LDLRAD4: variants seen among roughly 807,000 people sequenced by gnomAD.
The protein encoded by LDLRAD4 is low-density lipoprotein receptor class A domain-containing protein 4.
LDLRAD4 carries 5 observed loss-of-function variants against 17.0 expected under a neutral mutation model. The ratio of observed to expected loss-of-function variants is 0.29; its 90% CI spans 0.15 to 0.62. The LOEUF (loss-of-function observed/expected upper bound fraction) is 0.62, where lower values mean the gene tolerates loss of function less well. Among genes scored for constraint, LDLRAD4 ranks in the 20% least tolerant of loss-of-function variants. The pLI is 0.84. For missense variants in LDLRAD4, 340 were observed against 424.7 expected (o/e 0.80, Z 1.75); for synonymous variants, 168 against 171.8 (o/e 0.98, Z 0.17).
At chr18:13,474,132 C>T (rs906553336) in intron 3 of LDLRAD4, among the ~76,000 whole-genome samples, 8 of 152,234 alleles carry the variant, frequency 5.3e-5, no homozygotes, top group African/African-American at 1.4e-4. Context: ...TTGCCTTCGC[C>T]ATGATTGGAA....
intron 3 of LDLRAD4, among the ~76,000 whole-genome samples, chr18:13,547,985 G>T (rs2094388687): frequency 6.6e-6 from 1 of 152,202 alleles, no homozygotes; most frequent in Non-Finnish European, 1.5e-5. Flanking sequence ...CCAGACAACT[G>T]GAGGGTGAGC....
rs531270864 is a variant in LDLRAD4 at position 13,318,810 on chromosome 18, G to A, written c.-383+40622G>A. Among the ~76,000 whole-genome samples the A allele has an allele frequency of 2.0e-5, 3 of 152,322 alleles. No individual in the cohort carries two copies. In the South Asian group the frequency reaches 6.2e-4, roughly 32 times the overall value. ...CAGGACCCTGGGTGATGGAGCTCCT[G>A]TCTGGTGGGTGTGTGTGGGCAGTGC... On this transcript the variant is annotated intron_variant, in intron 1 of 5. Transcript: ENST00000359446.
intron 3 of LDLRAD4, chr18:13,461,247 C>A (rs544367882): frequency 3.9e-5 from 6 of 152,508 alleles, no homozygotes; most frequent in Admixed American, 2.0e-4. Context: ...TGGCCAGGGC[C>A]TGAGGAGGAC....
At position 13,385,788 on chromosome 18, in the gene LDLRAD4, A is replaced by T. The variant is rs538650752; in HGVS notation, c.-382-1553A>T. ...TGCATGTTGGCCATTTTTAGATGGA[A>T]TGTTAGAATTCAGAGAAAAAATGTT... On this transcript the variant is annotated intron_variant, in intron 1 of 5. Transcript: ENST00000359446. 2.8e-4 allele frequency among the ~76,000 whole-genome samples: 43 copies of T among 152,322 alleles called. 1 individual carries two copies. Among genetic ancestry groups the T allele is most frequent in the Middle Eastern group, 6.8e-3 (2 of 294 alleles).
At chr18:13,234,646 C>T (rs1598807298) in intron 1 of LDLRAD4, among the ~76,000 whole-genome samples, 1 of 152,122 alleles carries the variant, frequency 6.6e-6, no homozygotes, top group South Asian at 2.1e-4. Context: ...TTGGGACAGG[C>T]CTCAGTGCAA....
At chr18:13,272,886 C>T (rs2044645623) in intron 1 of LDLRAD4, among the ~76,000 whole-genome samples, 1 of 152,162 alleles carries the variant, frequency 6.6e-6, no homozygotes, top group Non-Finnish European at 1.5e-5. Context: ...CGATGAGGCC[C>T]TAGGAAAGAC....
At chr18:13,272,226 TG>T (rs1473255529) in intron 1 of LDLRAD4, among the ~76,000 whole-genome samples, 1 of 152,094 alleles carries the variant, frequency 6.6e-6, no homozygotes, top group Non-Finnish European at 1.5e-5. Context: ...GCTCCTGACC[TG>T]TGTGTGGCAG....
At chr18:13,470,830 C>T (rs1386439273) in intron 3 of LDLRAD4, 1 of 151,712 alleles carries the variant, frequency 6.6e-6, no homozygotes, top group African/African-American at 2.4e-5. Flanking sequence ...TCAACTTCCA[C>T]TTCTCCCCAG....
intron 3 of LDLRAD4, among the ~76,000 whole-genome samples, chr18:13,503,780 T>A (rs74256326): frequency 1.5e-4 from 23 of 149,410 alleles, no homozygotes; most frequent in Non-Finnish European, 2.1e-4. Context: ...GCTCTTGTTT[T>A]AAAAAAAAAA....
At chr18:13,415,491 G>T (rs1358521433) in intron 2 of LDLRAD4, among the ~76,000 whole-genome samples, 1 of 152,202 alleles carries the variant, frequency 6.6e-6, no homozygotes, top group African/African-American at 2.4e-5. Flanking sequence ...GGGGTGGGAG[G>T]TGTGCTTTCC....
At chr18:13,371,921 TATCAC>T (rs1392863771) in intron 1 of LDLRAD4, among the ~76,000 whole-genome samples, 1 of 152,210 alleles carries the variant, frequency 6.6e-6, no homozygotes, top group African/African-American at 2.4e-5. Context: ...AGAGTTTCTG[TATCAC>T]ATTTAGAACA....
chr18:13,651,770 T>G (rs2043256438), exon 6 of LDLRAD4: 1 of 152,264 alleles, frequency 6.6e-6, no homozygotes, highest in Admixed American at 6.5e-5. Flanking sequence ...ATCAGCTTAT[T>G]CTGCCACCAG....
At chr18:13,445,865 G>A (rs1223569151) in intron 3 of LDLRAD4, among the ~76,000 whole-genome samples, 1 of 152,100 alleles carries the variant, frequency 6.6e-6, no homozygotes, top group African/African-American at 2.4e-5. Context: ...GTGCATGAGT[G>A]TGTCACCTGG....
chr18:13,430,564 C>T (rs190367605), intron 2 of LDLRAD4, among the ~76,000 whole-genome samples: 3 of 152,236 alleles, frequency 2.0e-5, no homozygotes, highest in Non-Finnish European at 4.4e-5. Context: ...AAGTTAGGGC[C>T]CCCAGAGGTG....
intron 2 of LDLRAD4, among the ~76,000 whole-genome samples, chr18:13,400,694 C>T (rs1453148379): frequency 6.6e-6 from 1 of 152,218 alleles, no homozygotes; most frequent in Non-Finnish European, 1.5e-5. Flanking sequence ...GGGAGCAAAG[C>T]CTTCTCTCGC....
chr18:13,376,989 C>T (rs1394788202), intron 1 of LDLRAD4, among the ~76,000 whole-genome samples: 4 of 152,230 alleles, frequency 2.6e-5, no homozygotes, highest in African/African-American at 7.2e-5. Flanking sequence ...GTGACAGCTG[C>T]TCCTGGGGAC....
At chr18:13,232,469 C>T (rs193263269) in intron 1 of LDLRAD4, among the ~76,000 whole-genome samples, 4 of 150,320 alleles carry the variant, frequency 2.7e-5, no homozygotes, top group African/African-American at 7.6e-5. Context: ...TCCTTCCCCG[C>T]GTGGCCTTGT....
At chr18:13,496,307 C>G (rs2093468362) in intron 3 of LDLRAD4, among the ~76,000 whole-genome samples, 4 of 152,240 alleles carry the variant, frequency 2.6e-5, no homozygotes, top group Admixed American at 1.3e-4. Context: ...CCTTACTTGC[C>G]CAGAACAATT....
chr18:13,528,319 T>C (rs144815072), intron 3 of LDLRAD4, among the ~76,000 whole-genome samples: 283 of 152,306 alleles, frequency 1.9e-3, no homozygotes, highest in African/African-American at 6.6e-3. Flanking sequence ...CCATTATTAC[T>C]ATTATTATTT....
Sources: gnomAD v4.1 joint callset for allele counts (sites outside exome capture counted in the v4.1 genomes callset) on GRCh38, gnomAD v4.1.1 for gene constraint, MANE v1.5 for transcripts, NCBI Gene and HGNC (gene_info 2026-07-23, HGNC 2026-07-21) for gene names.